Variants in ANO10 observed in about 807,000 individuals in gnomAD.
The protein encoded by ANO10 is anoctamin-10.
Under a neutral mutation model 74.7 loss-of-function variants are expected in ANO10, and 77 were observed. The ratio of observed to expected loss-of-function variants is 1.03; its 90% CI spans 0.86 to 1.25. The LOEUF (loss-of-function observed/expected upper bound fraction) is 1.25. ANO10 is among the 50% of genes most tolerant of loss of function. The pLI is 0.00. For missense variants in ANO10, 721 were observed against 778.1 expected, an observed-to-expected ratio of 0.93 and a Z score of 0.87; for synonymous variants, 279 against 284.9, an observed-to-expected ratio of 0.98 and a Z score of 0.21.
In ANO10 at chr3:43,574,882, A is replaced by G; in HGVS notation, c.1163-18T>C. On this transcript the variant is annotated intron_variant, in intron 6 of 12. Coordinates refer to ENST00000292246, the MANE Select transcript of ANO10 (RefSeq NM_018075.5). ...GTGATTCTCTAAAACATTAAAACAC[A>G]CAGGTAACTTCTCAGTAAGAAAACA... is the stretch of plus-strand genomic sequence containing the variant. The G allele has an allele frequency of 6.2e-7, 1 of 1,609,860 alleles. No homozygotes were observed. Among genetic ancestry groups the G allele is most frequent in the Non-Finnish European group, 8.5e-7 (1 of 1,176,128 alleles).
In ANO10 at chr3:43,598,668, T is replaced by C. The variant is rs761765455; in HGVS notation, c.338-2A>G. ...TTGTCAGGAAATCATCATTGTTATCTAAAATAAAACAGAAATTACCAGATT... is the reference window on the plus strand; with the variant it reads ...TTGTCAGGAAATCATCATTGTTATCCAAAATAAAACAGAAATTACCAGATT... On this transcript the variant is annotated splice_acceptor_variant, in intron 3 of 12. Coordinates refer to ENST00000292246, the MANE Select transcript of ANO10 (RefSeq NM_018075.5). LOFTEE classifies it high-confidence loss of function. 5 of 1,597,408 alleles carry C rather than the reference T, an allele frequency of 3.1e-6. No individual in the cohort carries two copies. The highest frequency in any genetic ancestry group is 1.7e-5 in the Admixed American group (1 of 59,066).
chr3:43,629,215 C>T lies in ANO10; in HGVS notation c.-11-23352G>A, dbSNP rs556295244. ...AATAGAAAAGAACCTATGTGACTATCGGGGCAGGTTCCCCGATAAGGAGGA... is the reference window on the plus strand; with the variant it reads ...AATAGAAAAGAACCTATGTGACTATTGGGGCAGGTTCCCCGATAAGGAGGA... On this transcript the variant is annotated intron_variant, in intron 1 of 3. Transcript: ENST00000413397. Among the ~76,000 whole-genome samples, 10 of 152,258 alleles carry T rather than the reference C, an allele frequency of 6.6e-5. No individual in the cohort carries two copies. In the East Asian group the frequency reaches 7.7e-4, roughly 12 times the overall value.
intron 11 of ANO10, among the ~76,000 whole-genome samples, chr3:43,462,044 G>A (rs1184808732): frequency 6.6e-6 from 1 of 152,174 alleles, no homozygotes; most frequent in East Asian, 1.9e-4. Context: ...GAAACTTGTT[G>A]GGAAGTGGAG....
intron 1 of ANO10, among the ~76,000 whole-genome samples, chr3:43,612,548 T>C (rs2082881183): frequency 6.6e-6 from 1 of 152,130 alleles, no homozygotes; most frequent in African/African-American, 2.4e-5. Context: ...TGCTCTAAAG[T>C]GTTTTTCAGG....
intron 11 of ANO10, among the ~76,000 whole-genome samples, chr3:43,504,748 T>G (rs1490154911): frequency 6.6e-6 from 1 of 152,080 alleles, no homozygotes; most frequent in African/African-American, 2.4e-5. Flanking sequence ...GTTCAAGGGA[T>G]TCTCCTGCCT....
chr3:43,616,682 C>A (rs1294731632), intron 1 of ANO10, among the ~76,000 whole-genome samples: 2 of 152,138 alleles, frequency 1.3e-5, no homozygotes, highest in Admixed American at 1.3e-4. Flanking sequence ...CAGCTCTGCT[C>A]CTCTTGTGCC....
At chr3:43,691,170 C>T (rs2084370649) in intron 1 of ANO10, 12 of 915,682 alleles carry the variant, frequency 1.3e-5, no homozygotes, top group Admixed American at 4.3e-5. Context: ...CCTCGACCCT[C>T]CCCGGCATGA....
chr3:43,418,292 A>AAAAC (rs767324386), intron 12 of ANO10, among the ~76,000 whole-genome samples: 3 of 152,206 alleles, frequency 2.0e-5, no homozygotes, highest in Non-Finnish European at 4.4e-5. Context: ...AAACCAAACC[A>AAAAC]AAACAAACAA....
At chr3:43,515,223 T>C (rs913025056) in intron 11 of ANO10, among the ~76,000 whole-genome samples, 8 of 152,224 alleles carry the variant, frequency 5.3e-5, no homozygotes, top group Non-Finnish European at 1.2e-4. Flanking sequence ...GCTGTGTCTA[T>C]GAGGGTGTTG....
At chr3:43,415,490 T>G (rs11709165) in intron 12 of ANO10, among the ~76,000 whole-genome samples, 28,796 of 152,086 alleles carry the variant, frequency 0.19, 3,221 homozygotes, top group Middle Eastern at 0.36. Context: ...AAAGCCAATG[T>G]TTTAGTACAG....
chr3:43,597,727 A>G (rs1023929515), intron 4 of ANO10, among the ~76,000 whole-genome samples: 1 of 152,158 alleles, frequency 6.6e-6, no homozygotes, highest in African/African-American at 2.4e-5. Flanking sequence ...AAACTGGCAC[A>G]TTGTGCACAT....
At chr3:43,559,109 C>T (rs2079902461) in intron 9 of ANO10, among the ~76,000 whole-genome samples, 1 of 152,148 alleles carries the variant, frequency 6.6e-6, no homozygotes, top group South Asian at 2.1e-4. Flanking sequence ...GCTTCATTTG[C>T]TTATTTTTGA....
rs569904245 is a variant in ANO10 at position 43,686,087 on chromosome 3, G to A, written c.-12+5430C>T. Among the ~76,000 whole-genome samples the A allele has an allele frequency of 8.5e-5, 13 of 152,198 alleles. No individual in the cohort carries two copies. In the South Asian group the frequency reaches 2.5e-3, roughly 29 times the overall value. On this transcript the variant is annotated intron_variant, in intron 1 of 3. Transcript: ENST00000413397. ...GGGCAGCTCTACCACTGAGTTCCAG[G>A]ATCCAGCCCCCAGGGCACCATGCTC...
At chr3:43,376,578 GA>G (rs930804824) in intron 12 of ANO10, among the ~76,000 whole-genome samples, 1 of 152,186 alleles carries the variant, frequency 6.6e-6, no homozygotes, top group African/African-American at 2.4e-5. Flanking sequence ...ACATAGGTAA[GA>G]GGGCAACAAA....
At chr3:43,658,568 C>T (rs1008299044) in intron 1 of ANO10, among the ~76,000 whole-genome samples, 1 of 152,072 alleles carries the variant, frequency 6.6e-6, no homozygotes, top group Non-Finnish European at 1.5e-5. Context: ...CTCCTGGGTT[C>T]AAGCGATTCT....
chr3:43,589,003 A>G (rs1559746714), intron 4 of ANO10, among the ~76,000 whole-genome samples: 1 of 152,204 alleles, frequency 6.6e-6, no homozygotes, highest in Non-Finnish European at 1.5e-5. Context: ...AACAATGTAT[A>G]CGTAATATAA....
chr3:43,473,246 G>A (rs988020038), intron 11 of ANO10, among the ~76,000 whole-genome samples: 3 of 151,950 alleles, frequency 2.0e-5, no homozygotes, highest in South Asian at 4.1e-4. Flanking sequence ...TCTTTTAAAC[G>A]TGATCAGTGC....
At chr3:43,457,398 C>A (rs1408823141) in intron 11 of ANO10, among the ~76,000 whole-genome samples, 1 of 152,186 alleles carries the variant, frequency 6.6e-6, no homozygotes, top group African/African-American at 2.4e-5. Context: ...AGGAAACTTA[C>A]AATCGTGGCA....
intron 12 of ANO10, among the ~76,000 whole-genome samples, chr3:43,403,781 A>G (rs117695506): frequency 6.6e-6 from 1 of 152,340 alleles, no homozygotes; most frequent in East Asian, 1.9e-4. Flanking sequence ...TGGAACATGT[A>G]ATTTTCATTC....
Sources: gnomAD v4.1 joint callset for allele counts (sites outside exome capture counted in the v4.1 genomes callset) on GRCh38, gnomAD v4.1.1 for gene constraint, MANE v1.5 for transcripts, NCBI Gene and HGNC (gene_info 2026-07-23, HGNC 2026-07-21) for gene names.